The following MYBPHL variants were observed in gnomAD, a reference collection of about 807,000 sequenced individuals.
MYBPHL encodes the protein myosin-binding protein H-like.
In MYBPHL, 32 loss-of-function variants were observed where a neutral mutation model predicts 39.5. The observed-to-expected ratio is 0.81, with a 90% confidence interval of 0.61 to 1.09. The LOEUF (loss-of-function observed/expected upper bound fraction) is 1.09. Ranked by LOEUF, MYBPHL falls within the 50% of genes least tolerant of loss-of-function variation. The pLI, the probability that MYBPHL is intolerant of heterozygous loss-of-function variation, is 0.00. For synonymous variants in MYBPHL, 196 were observed against 183.7 expected (o/e 1.07, Z -0.54); for missense variants, 456 against 460.2 (o/e 0.99, Z 0.08).
intron 8 of MYBPHL, among the ~76,000 whole-genome samples, chr1:109,293,607 G>A (rs1657940496): frequency 1.3e-5 from 2 of 152,020 alleles, no homozygotes; most frequent in South Asian, 4.1e-4. Flanking sequence ...GGGCGTGGTG[G>A]TGGGTGCCTG....
Position 109,296,794 on chromosome 1 carries a change from A to T in MYBPHL, c.719T>A (p.Ile240Asn), listed in dbSNP as rs747269299. 1 of 1,613,818 alleles carries T rather than the reference A, an allele frequency of 6.2e-7. No homozygotes were observed. The change falls in exon 5 of 9, where the codon ATC becomes AAC. Residue 240 changes from isoleucine to asparagine, a missense_variant. Transcript: ENST00000357155. ...CATGCCTCCCTTACCTGCTTTCTGG[A>T]TGTGGGCGAGGTCCGTAGTGATGGG... ...TAPITTDLAHIQKAATVYKTK... is the reference protein window; with the variant it reads ...TAPITTDLAHNQKAATVYKTK...
intron 8 of MYBPHL, among the ~76,000 whole-genome samples, chr1:109,293,919 C>T (rs1002146644): frequency 9.9e-5 from 15 of 151,944 alleles, no homozygotes; most frequent in Non-Finnish European, 2.2e-4. Flanking sequence ...GAAAAATTAG[C>T]CGGGCATGGT....
intron 1 of MYBPHL, among the ~76,000 whole-genome samples, chr1:109,302,490 C>G (rs1348947923): frequency 6.6e-6 from 1 of 151,578 alleles, no homozygotes; most frequent in Admixed American, 6.5e-5. Context: ...CTCCACCCCA[C>G]CCCGTCCCTA....
In MYBPHL at chr1:109,296,284, C is replaced by G; in HGVS notation, c.817G>C (p.Val273Leu). 1 of 1,614,088 alleles carries G rather than the reference C, an allele frequency of 6.2e-7. No homozygotes were observed. Among genetic ancestry groups the G allele is most frequent in the Non-Finnish European group, 8.5e-7 (1 of 1,180,012 alleles). The change falls in exon 6 of 9, where the codon GTC (valine) becomes CTC (leucine). Residue 273 changes from valine (V) to leucine (L), a missense_variant. By Grantham distance (32) the Val-to-Leu change is conservative. Coordinates refer to ENST00000357155, the MANE Select transcript of MYBPHL (RefSeq NM_001010985.3). ...AAGAGCTGGGTATTATAGCCGGTGACTGTAGTGCAGTCGGCCAGAGGCTGG... is the reference window on the plus strand; with the variant it reads ...AAGAGCTGGGTATTATAGCCGGTGAGTGTAGTGCAGTCGGCCAGAGGCTGG... ...FTQPLADCTT[V>L]TGYNTQLFCC...
At position 109,296,375 on chromosome 1, in the gene MYBPHL, G is replaced by A. The variant is rs774653238; in HGVS notation, c.731-5C>T. 5 of 1,613,938 alleles carry A rather than the reference G, an allele frequency of 3.1e-6. No homozygotes were observed. Among genetic ancestry groups the A allele is most frequent in the Admixed American group, 1.7e-5 (1 of 59,974 alleles). ...CCTTGGTCTTGTAAACAGTAGCTGA[G>A]GGCACCAAGAGGGGCTGGCATGTAG... On this transcript the variant is annotated splice_polypyrimidine_tract_variant and splice_region_variant and intron_variant, in intron 5 of 8. Transcript: ENST00000357155.
intron 1 of MYBPHL, among the ~76,000 whole-genome samples, chr1:109,306,422 C>T (rs550433385): frequency 2.0e-5 from 3 of 152,240 alleles, no homozygotes; most frequent in African/African-American, 7.2e-5. Context: ...TGTGCTGCCC[C>T]ACTCTTAGCC....
At chr1:109,300,649 G>T (rs1367478468) in intron 1 of MYBPHL, among the ~76,000 whole-genome samples, 1 of 152,234 alleles carries the variant, frequency 6.6e-6, no homozygotes, top group Non-Finnish European at 1.5e-5. Context: ...AAAGAAATGG[G>T]TTTATGTGGA....
At chr1:109,294,153 C>G (rs1387716870) in intron 8 of MYBPHL, 53 bp downstream of exon 8, 1 of 1,217,344 alleles carries the variant, frequency 8.2e-7, no homozygotes, top group East Asian at 2.3e-5. Flanking sequence ...CTCAACAACA[C>G]TAGCCATAAA....
intron 4 of MYBPHL, 40 bp from the exon 5 acceptor site, chr1:109,296,982 T>C (rs147376402): frequency 5.6e-6 from 9 of 1,613,794 alleles, no homozygotes; most frequent in Non-Finnish European, 7.6e-6. Flanking sequence ...AGCCACCCCA[T>C]GTGGAGCTAC....
chr1:109,297,024 C>G (rs760905132), intron 4 of MYBPHL, 26 bp downstream of exon 4: 1 of 1,614,046 alleles, frequency 6.2e-7, no homozygotes, highest in Admixed American at 1.7e-5. Context: ...CCTCTTCCAC[C>G]CTCCTTCCTT....
intron 1 of MYBPHL, among the ~76,000 whole-genome samples, chr1:109,300,372 C>T (rs1486978360): frequency 6.6e-6 from 1 of 152,190 alleles, no homozygotes; most frequent in East Asian, 1.9e-4. Context: ...CAGTGGCCTG[C>T]CCCTGGAGGG....
At chr1:109,302,180 G>A (rs2101486033) in intron 1 of MYBPHL, among the ~76,000 whole-genome samples, 1 of 152,122 alleles carries the variant, frequency 6.6e-6, no homozygotes, top group East Asian at 1.9e-4. Context: ...GAGAGAGAGA[G>A]GGAGCCTGCA....
chr1:109,296,177 A>G, intron 6 of MYBPHL, 57 bp downstream of exon 6: 1 of 1,595,308 alleles, frequency 6.3e-7, no homozygotes, highest in Non-Finnish European at 8.5e-7. Flanking sequence ...AGCTTAGGTT[A>G]GGACAGGCAG....
intron 1 of MYBPHL, among the ~76,000 whole-genome samples, chr1:109,298,847 G>A (rs530382640): frequency 3.9e-5 from 6 of 152,084 alleles, no homozygotes; most frequent in Non-Finnish European, 5.9e-5. Context: ...GCTCCCGGGC[G>A]CCTGCACAGT....
intron 1 of MYBPHL, among the ~76,000 whole-genome samples, chr1:109,301,204 A>T (rs368556802): frequency 6.6e-6 from 1 of 152,302 alleles, no homozygotes; most frequent in South Asian, 2.1e-4. Flanking sequence ...CCTGATGCCC[A>T]AGGTCTTTCT....
In MYBPHL at chr1:109,296,776, C is replaced by G. The variant is rs1658082096; in HGVS notation, c.730+7G>C. Reference sequence around the variant, plus strand: ...TTCCCAGCTCATGATCCCCATGCCTCCCTTACCTGCTTTCTGGATGTGGGC... The same window carrying G: ...TTCCCAGCTCATGATCCCCATGCCTGCCTTACCTGCTTTCTGGATGTGGGC... On this transcript the variant is annotated splice_region_variant and intron_variant, in intron 5 of 8. Coordinates refer to ENST00000357155, the MANE Select transcript of MYBPHL (RefSeq NM_001010985.3). 1 of 1,614,134 alleles carries G rather than the reference C, an allele frequency of 6.2e-7. No individual in the cohort carries two copies. Among genetic ancestry groups the G allele is most frequent in the Non-Finnish European group, 8.5e-7 (1 of 1,180,012 alleles).
intron 6 of MYBPHL, 126 bp downstream of exon 6, chr1:109,296,108 G>A (rs987937039): frequency 1.2e-5 from 14 of 1,211,642 alleles, no homozygotes; most frequent in Non-Finnish European, 1.5e-5. Context: ...ATACCGTGCT[G>A]TAGAAGAGGC....
At chr1:109,304,247 C>G (rs558691877) in intron 1 of MYBPHL, among the ~76,000 whole-genome samples, 1 of 152,102 alleles carries the variant, frequency 6.6e-6, no homozygotes, top group Non-Finnish European at 1.5e-5. Context: ...TAGAAGAGCG[C>G]CTGGCACATC....
Position 109,294,224 on chromosome 1 carries a change from C to A in MYBPHL, c.*15G>T, listed in dbSNP as rs754834308. On this transcript the variant is annotated 3_prime_UTR_variant, in exon 8 of 9. Transcript: ENST00000357155. ...TACTTACCTTTGTCAGAGTACCATG[C>A]CTTCTTAGGTGTCCTCAATTAGGAA... 2.5e-6 allele frequency: 4 copies of A among 1,604,692 alleles called. No homozygotes were observed. In the African/African-American group the frequency reaches 5.3e-5, roughly 21 times the overall value.
Sources: allele counts gnomAD v4.1 joint callset (sites outside exome capture counted in the v4.1 genomes callset), GRCh38; gene constraint gnomAD v4.1.1; transcripts MANE v1.5; gene names NCBI Gene and HGNC (gene_info 2026-07-23, HGNC 2026-07-21).